The following PROX1 variants were observed in gnomAD, a reference collection of about 807,000 sequenced individuals.
PROX1 encodes prospero homeobox 1, also known as prospero homeobox protein 1.
PROX1 carries 7 observed loss-of-function variants against 58.8 expected under a neutral mutation model. The observed-to-expected ratio is 0.12, with a 90% CI of 0.07 to 0.22. PROX1 has a LOEUF of 0.22. Ranked by LOEUF, PROX1 falls within the 10% of genes least tolerant of loss-of-function variation. The pLI is 1.00. For synonymous variants in PROX1, 350 were observed against 358.3 expected (o/e 0.98, Z 0.26); for missense variants, 675 against 927.8 (o/e 0.73, Z 3.54).
intron 1 of PROX1, among the ~76,000 whole-genome samples, chr1:213,994,383 C>A: frequency 6.6e-6 from 1 of 152,004 alleles, no homozygotes; most frequent in East Asian, 1.9e-4. Context: ...GGGCAATAAG[C>A]TCTATTTTGG....
rs1352399705 is a variant in PROX1, at chr1:214,036,821, C to T, written c.*987C>T. Reference sequence around the variant, plus strand: ...GAAAGCCCAACTTGGCCATAAAATTCTTGCCTACACTAGAAGTTTGTTGAC... The same window carrying T: ...GAAAGCCCAACTTGGCCATAAAATTTTTGCCTACACTAGAAGTTTGTTGAC... On this transcript the variant is annotated 3_prime_UTR_variant, in exon 5 of 5. Coordinates refer to ENST00000366958, the MANE Select transcript of PROX1 (RefSeq NM_001270616.2). The T allele has an allele frequency of 6.6e-6, 1 of 152,214 alleles. No individual in the cohort carries two copies. Among genetic ancestry groups the T allele is most frequent in the Non-Finnish European group, 1.5e-5 (1 of 68,036 alleles). 9.4% of individuals were successfully genotyped at this position (152,214 alleles called of 1,614,324 possible).
intron 4 of PROX1, among the ~76,000 whole-genome samples, chr1:214,021,436 T>A (rs1482493036): frequency 1.3e-5 from 2 of 152,232 alleles, no homozygotes; most frequent in East Asian, 3.9e-4. Context: ...CAGACTTTGA[T>A]CATTACTCCC....
Position 214,039,669 on chromosome 1 carries a change from TAAC to T in PROX1, c.*3838_*3840del, listed in dbSNP as rs1301715155. The T allele has an allele frequency of 6.6e-6, 1 of 152,222 alleles. No individual in the cohort carries two copies. Among genetic ancestry groups the T allele is most frequent in the Non-Finnish European group, 1.5e-5 (1 of 68,034 alleles). The allele number at this position is 152,222 out of a possible 1,614,324, so 9.4% of individuals were successfully genotyped here. On this transcript the variant is annotated 3_prime_UTR_variant, in exon 5 of 5. Coordinates refer to ENST00000366958, the MANE Select transcript of PROX1 (RefSeq NM_001270616.2). The stretch of plus-strand genomic sequence containing the variant: ...AATCCTGCTCTCTCCTTTTAAAAGT[TAAC>T]AATCTCTTTTATCAGATGTCAAGGG...
chr1:213,986,072 G>T (rs1261996678), upstream of PROX1: 1 of 152,192 alleles, frequency 6.6e-6, no homozygotes, highest in Admixed American at 6.5e-5. Context: ...CGCTTACCTC[G>T]AAGGGACCCA....
Position 213,996,654 on chromosome 1 carries a change from C to T in PROX1, c.119C>T (p.Thr40Met), listed in dbSNP as rs753030931. 2.5e-6 allele frequency: 4 copies of T among 1,614,132 alleles called. No individual in the cohort carries two copies. The highest frequency in any genetic ancestry group is 3.4e-6 in the Non-Finnish European group (4 of 1,180,032). The change falls in exon 2 of 5, where the codon ACG (threonine) becomes ATG (methionine). Residue 40 changes from threonine (T) to methionine (M), a missense_variant. Physicochemically the swap from Thr to Met is moderately conservative, Grantham distance 81. Coordinates refer to ENST00000366958, the MANE Select transcript of PROX1 (RefSeq NM_001270616.2). ...ASAFFAKARA[T>M]FFSAMNPQGS... The stretch of plus-strand genomic sequence containing the variant: ...GCATTTTTTGCTAAGGCAAGAGCAA[C>T]GTTTTTTAGTGCCATGAATCCCCAA...
chr1:214,037,409 A>G lies in PROX1; in HGVS notation c.*1575A>G, dbSNP rs1040592170. On this transcript the variant is annotated 3_prime_UTR_variant, in exon 5 of 5. Coordinates refer to ENST00000366958, the MANE Select transcript of PROX1 (RefSeq NM_001270616.2). ...AATGCCATTTTTTAATTCAACTTTAATAAGAATTACATTTGACTTTGGAGA... is the reference window on the plus strand; with the variant it reads ...AATGCCATTTTTTAATTCAACTTTAGTAAGAATTACATTTGACTTTGGAGA... 1.3e-5 allele frequency: 2 copies of G among 152,208 alleles called. No homozygotes were observed. Among genetic ancestry groups the G allele is most frequent in the Admixed American group, 6.5e-5 (1 of 15,282 alleles). The allele number at this position is 152,208 out of a possible 1,614,324, so 9.4% of individuals were successfully genotyped here.
At chr1:213,987,370 G>T (rs1402169474), upstream of PROX1, 3 of 151,718 alleles carry the variant, frequency 2.0e-5, no homozygotes, top group African/African-American at 7.3e-5. Context: ...CACTACCTAT[G>T]ATCGTTTAAA....
upstream of PROX1, among the ~76,000 whole-genome samples, chr1:213,983,564 T>A (rs1241987983): frequency 2.0e-5 from 3 of 152,176 alleles, no homozygotes; most frequent in Admixed American, 2.0e-4. Flanking sequence ...CCCCTTGAGT[T>A]GCGGCCCGAG....
chr1:214,023,221 C>T (rs1440692455), intron 4 of PROX1, among the ~76,000 whole-genome samples: 1 of 152,218 alleles, frequency 6.6e-6, no homozygotes, highest in East Asian at 1.9e-4. Flanking sequence ...AGCCCTCATG[C>T]CATTGGGTTT....
upstream of PROX1, chr1:213,985,817 C>G (rs1172989894): frequency 6.6e-6 from 1 of 152,390 alleles, no homozygotes; most frequent in South Asian, 2.1e-4. Flanking sequence ...CTGTCCCTGA[C>G]TCCTTTCTTC....
chr1:213,995,085 G>A (rs1293592358), intron 1 of PROX1, among the ~76,000 whole-genome samples: 1 of 151,980 alleles, frequency 6.6e-6, no homozygotes, highest in Non-Finnish European at 1.5e-5. Context: ...AAAGAGATGG[G>A]AGCCGTTCCA....
At chr1:214,025,039 T>C (rs1176125318) in intron 4 of PROX1, among the ~76,000 whole-genome samples, 1 of 152,156 alleles carries the variant, frequency 6.6e-6, no homozygotes, top group Non-Finnish European at 1.5e-5. Context: ...TCCACCTAAG[T>C]ATTGAGCTGA....
chr1:213,999,777 G>T (rs976290579), intron 2 of PROX1, among the ~76,000 whole-genome samples: 8 of 152,196 alleles, frequency 5.3e-5, no homozygotes, highest in African/African-American at 1.9e-4. Context: ...AATCAAAGCT[G>T]CACCAAGCAC....
At chr1:214,012,419 T>C (rs1663942881) in intron 4 of PROX1, among the ~76,000 whole-genome samples, 1 of 152,232 alleles carries the variant, frequency 6.6e-6, no homozygotes. Context: ...CAAAGCAGCA[T>C]AGAGAATTCC....
At chr1:214,006,712 A>G (rs866404100) in intron 3 of PROX1, among the ~76,000 whole-genome samples, 3 of 152,126 alleles carry the variant, frequency 2.0e-5, no homozygotes, top group African/African-American at 7.2e-5. Context: ...GAATCCTCCC[A>G]ACATTTTAGT....
At chr1:214,012,979 T>A (rs1663965915) in intron 4 of PROX1, among the ~76,000 whole-genome samples, 1 of 152,156 alleles carries the variant, frequency 6.6e-6, no homozygotes, top group African/African-American at 2.4e-5. Flanking sequence ...GCAGACCAGT[T>A]ATAGTGGCTT....
chr1:213,990,069 C>G (rs535257621), intron 1 of PROX1, among the ~76,000 whole-genome samples: 1 of 150,194 alleles, frequency 6.7e-6, no homozygotes, highest in Non-Finnish European at 1.5e-5. Flanking sequence ...GTGGCCTCCT[C>G]GCAAAGTCAA....
intron 4 of PROX1, among the ~76,000 whole-genome samples, chr1:214,031,963 CT>C: frequency 6.6e-6 from 1 of 151,918 alleles, no homozygotes; most frequent in South Asian, 2.1e-4. Flanking sequence ...TTACAACTTT[CT>C]TTTGTCCAGT....
intron 4 of PROX1, among the ~76,000 whole-genome samples, chr1:214,025,426 G>C (rs185951844): frequency 3.7e-4 from 56 of 152,322 alleles, no homozygotes; most frequent in Non-Finnish European, 5.9e-5. Flanking sequence ...GGGCAGAGCT[G>C]CCCCTCAATC....
Sources: gnomAD v4.1 joint callset for allele counts (sites outside exome capture counted in the v4.1 genomes callset) on GRCh38, gnomAD v4.1.1 for gene constraint, MANE v1.5 for transcripts, NCBI Gene and HGNC (gene_info 2026-07-23, HGNC 2026-07-21) for gene names.